The following VWCE variants were observed in gnomAD, a reference collection of about 807,000 sequenced individuals.
VWCE encodes the protein von Willebrand factor C and EGF domain-containing protein.
VWCE carries 68 observed loss-of-function variants against 102.9 expected under a neutral mutation model. That is an observed-to-expected ratio of 0.66 (90% confidence interval 0.54 to 0.81). The LOEUF is 0.81. Among genes scored for constraint, VWCE ranks in the 30% least tolerant of loss-of-function variants. VWCE has a pLI of 0.00. For synonymous variants in VWCE, 497 were observed against 515.4 expected (o/e 0.96, Z 0.48); for missense variants, 1,137 against 1,263.6 (o/e 0.90, Z 1.52).
At chr11:61,261,025 G>A (rs1027606081) in intron 19 of VWCE, among the ~76,000 whole-genome samples, 2 of 152,038 alleles carry the variant, frequency 1.3e-5, no homozygotes, top group East Asian at 3.9e-4. Flanking sequence ...AGGAGCTTGA[G>A]ACCATCCTGG....
At chr11:61,265,875 G>A (rs532598616) in intron 16 of VWCE, among the ~76,000 whole-genome samples, 8 of 152,028 alleles carry the variant, frequency 5.3e-5, no homozygotes, top group East Asian at 1.9e-4. Flanking sequence ...GCAAAACTCC[G>A]ACTCTACTAA....
chr11:61,281,202 A>G lies in VWCE; in HGVS notation c.821T>C (p.Ile274Thr), dbSNP rs900571326. Residue 274 changes from isoleucine (I) to threonine (T), a missense_variant, in exon 8 of 20, where the codon ATC (isoleucine) becomes ACC (threonine). Transcript: ENST00000335613. ...GGACGGGTGTTGCCGGGGTTGCAGG[A>G]TGGCAGATGGGGCCAGCACGGCTTT... ...FPKAVLAPSAILQPRQHPSKM... is the reference protein window; with the variant it reads ...FPKAVLAPSATLQPRQHPSKM... The G allele has an allele frequency of 6.2e-7, 1 of 1,612,968 alleles. No homozygotes were observed. The highest frequency in any genetic ancestry group is 1.3e-5 in the African/African-American group (1 of 74,864).
intron 13 of VWCE, 127 bp downstream of exon 13, chr11:61,273,072 G>T: frequency 1.1e-6 from 1 of 907,288 alleles, no homozygotes. Flanking sequence ...TCATACACAC[G>T]CACACAAAGA....
At chr11:61,291,614 T>C in intron 1 of VWCE, 38 bp from the exon 2 acceptor site, 1 of 1,382,656 alleles carries the variant, frequency 7.2e-7, no homozygotes, top group Non-Finnish European at 9.5e-7. Context: ...CATTCTATAC[T>C]GGGGGAGACA....
intron 11 of VWCE, 113 bp downstream of exon 11, chr11:61,276,480 G>A: frequency 1.3e-6 from 1 of 765,410 alleles, no homozygotes; most frequent in Non-Finnish European, 1.9e-6. Flanking sequence ...CACTTTGAGA[G>A]GCTGAAGCAG....
intron 11 of VWCE, among the ~76,000 whole-genome samples, chr11:61,275,314 C>G (rs1218887107): frequency 6.6e-6 from 1 of 152,166 alleles, no homozygotes; most frequent in Non-Finnish European, 1.5e-5. Flanking sequence ...CCAGGCCCAC[C>G]TGCCAGTAGT....
intron 4 of VWCE, among the ~76,000 whole-genome samples, chr11:61,287,662 T>C (rs1223280046): frequency 6.6e-6 from 1 of 152,160 alleles, no homozygotes; most frequent in East Asian, 1.9e-4. Flanking sequence ...AGTGACAGAC[T>C]GGCCCAGGCA....
Position 61,273,205 on chromosome 11 carries a change from A to T in VWCE, c.1693T>A (p.Ser565Thr). The T allele has an allele frequency of 1.2e-6, 2 of 1,613,774 alleles. No individual in the cohort carries two copies. The highest frequency in any genetic ancestry group is 1.7e-6 in the Non-Finnish European group (2 of 1,179,940). The change falls in exon 13 of 20, where the codon TCG (serine) becomes ACG (threonine). Residue 565 changes from serine (S) to threonine (T), a missense_variant. Transcript: ENST00000335613. ...CAGCCCTGGACCAGCTCACCTGTCGAGGGTGTGGGCTCCTGGCAGGTGAAG... is the reference window on the plus strand; with the variant it reads ...CAGCCCTGGACCAGCTCACCTGTCGTGGGTGTGGGCTCCTGGCAGGTGAAG... ...CCFTCQEPTP[S>T]TGCSLDDNGV...
intron 6 of VWCE, among the ~76,000 whole-genome samples, chr11:61,282,216 A>G (rs1855166720): frequency 1.3e-5 from 2 of 152,354 alleles, no homozygotes; most frequent in African/African-American, 4.8e-5. Context: ...TGAGAAGCTC[A>G]TCTCCAAACC....
intron 19 of VWCE, among the ~76,000 whole-genome samples, chr11:61,260,206 G>A (rs1257698382): frequency 6.6e-6 from 1 of 152,178 alleles, no homozygotes; most frequent in Non-Finnish European, 1.5e-5. Context: ...AGTGAGCTGA[G>A]ATCGTGCCAC....
intron 19 of VWCE, among the ~76,000 whole-genome samples, chr11:61,262,518 G>C (rs1660824628): frequency 6.6e-6 from 1 of 152,194 alleles, no homozygotes. Flanking sequence ...ACATTAGCTA[G>C]CAATCAGTCT....
Position 61,281,924 on chromosome 11 carries a change from A to G in VWCE, c.659-10T>C, listed in dbSNP as rs757858371. 15 of 1,608,710 alleles carry G rather than the reference A, an allele frequency of 9.3e-6. No homozygotes were observed. In the East Asian group the frequency reaches 3.1e-4, roughly 34 times the overall value. On this transcript the variant is annotated splice_polypyrimidine_tract_variant and intron_variant, in intron 6 of 19. Coordinates refer to ENST00000335613, the MANE Select transcript of VWCE (RefSeq NM_152718.2). ...CGACACTCGTTTACATCTGCGGGAG[A>G]GCCTCGCTGCGGACAGCTGCTTTGT...
rs188910507 is a variant in VWCE, at chr11:61,277,219, C to A, written c.1408-539G>T. 2.6e-5 allele frequency among the ~76,000 whole-genome samples: 4 copies of A among 151,942 alleles called. 1 individual carries two copies. In the East Asian group the frequency reaches 7.7e-4, roughly 29 times the overall value. ...TTGACTGCTGTGCTTTCATGTAGCA[C>A]ACAGGAAGAGTTCGATAAGGGGTGC... On this transcript the variant is annotated intron_variant, in intron 10 of 19. Transcript: ENST00000335613.
rs758837805 is a variant in VWCE at position 61,282,782 on chromosome 11, G to A, written c.658+7C>T. 18 of 1,612,204 alleles carry A rather than the reference G, an allele frequency of 1.1e-5. No homozygotes were observed. In the East Asian group the frequency reaches 2.9e-4, roughly 26 times the overall value. ...GTGTGCAGACCACAGGGTCCTCCCC[G>A]CCTTACCTACACAGGAGTGCCGGTT... On this transcript the variant is annotated splice_region_variant and intron_variant, in intron 6 of 19. Transcript: ENST00000335613.
intron 5 of VWCE, among the ~76,000 whole-genome samples, chr11:61,285,823 G>A (rs1262325837): frequency 1.3e-5 from 2 of 152,118 alleles, no homozygotes; most frequent in African/African-American, 4.8e-5. Context: ...GTGCAATTTC[G>A]GCTCACTGCA....
intron 8 of VWCE, 31 bp from the exon 9 acceptor site, chr11:61,280,748 A>G: frequency 6.2e-7 from 1 of 1,613,688 alleles, no homozygotes. Context: ...TAGAGCCACC[A>G]CAAGGCCCCA....
At chr11:61,287,534 G>T (rs1429194780) in intron 4 of VWCE, among the ~76,000 whole-genome samples, 1 of 139,460 alleles carries the variant, frequency 7.2e-6, no homozygotes, top group Non-Finnish European at 1.5e-5. Context: ...TGTTGAGGAC[G>T]CAAATGTGAC....
intron 6 of VWCE, 32 bp from the exon 7 acceptor site, chr11:61,281,946 T>G: frequency 6.3e-7 from 1 of 1,599,656 alleles, no homozygotes; most frequent in South Asian, 1.1e-5. Context: ...GACAGCTGCT[T>G]TGTTTGGGCT....
At chr11:61,291,451 GA>G in intron 2 of VWCE, 30 bp downstream of exon 2, 2 of 1,561,186 alleles carry the variant, frequency 1.3e-6, no homozygotes, top group Non-Finnish European at 1.7e-6. Flanking sequence ...TGCTGGAGGA[GA>G]AGACTTGGGG....
Sources: allele counts gnomAD v4.1 joint callset (sites outside exome capture counted in the v4.1 genomes callset), GRCh38; gene constraint gnomAD v4.1.1; transcripts MANE v1.5; gene names NCBI Gene and HGNC (gene_info 2026-07-23, HGNC 2026-07-21).